CNTNAP4: variants seen among roughly 807,000 people sequenced by gnomAD.
The protein encoded by CNTNAP4 is contactin-associated protein-like 4.
In CNTNAP4, 98 loss-of-function variants were observed where a neutral mutation model predicts 148.4. The observed-to-expected ratio is 0.66, with a 90% CI of 0.56 to 0.78. CNTNAP4 has a LOEUF of 0.78. Ranked by LOEUF, CNTNAP4 falls within the 30% of genes least tolerant of loss-of-function variation. The probability of loss-of-function intolerance (pLI) is 0.00; values close to 1 mark genes in which losing one functional copy is unlikely to be tolerated. For missense variants in CNTNAP4, 1,935 were observed against 1,565.6 expected, an observed-to-expected ratio of 1.24 and a Z score of -3.98; for synonymous variants, 730 against 565.1, an observed-to-expected ratio of 1.29 and a Z score of -4.14.
chr16:76,444,810 A>T (rs954263397), intron 4 of CNTNAP4, among the ~76,000 whole-genome samples: 2 of 152,048 alleles, frequency 1.3e-5, no homozygotes, highest in African/African-American at 4.8e-5. Flanking sequence ...TATCCTTTGA[A>T]GTTTTCCTGT....
intron 4 of CNTNAP4, among the ~76,000 whole-genome samples, chr16:76,444,676 CTT>C (rs1399291478): frequency 1.3e-5 from 2 of 152,050 alleles, no homozygotes; most frequent in Non-Finnish European, 2.9e-5. Context: ...GTGCAAATAA[CTT>C]TTTATAAAAA....
At chr16:76,298,354 A>C (rs1303251611) in intron 1 of CNTNAP4, among the ~76,000 whole-genome samples, 1 of 152,200 alleles carries the variant, frequency 6.6e-6, no homozygotes, top group African/African-American at 2.4e-5. Flanking sequence ...TGGAGCAGCC[A>C]TATGAAAGGT....
intron 3 of CNTNAP4, among the ~76,000 whole-genome samples, chr16:76,404,272 A>G (rs1280255737): frequency 1.3e-5 from 2 of 152,180 alleles, no homozygotes; most frequent in Non-Finnish European, 2.9e-5. Context: ...ACTAAAGTCA[A>G]AAAAATTAAA....
At chr16:76,365,257 A>G (rs529389127) in intron 3 of CNTNAP4, among the ~76,000 whole-genome samples, 2 of 152,286 alleles carry the variant, frequency 1.3e-5, no homozygotes, top group South Asian at 2.1e-4. Context: ...TATCAGTACC[A>G]TGCTGTTTTT....
intron 15 of CNTNAP4, 67 bp from the exon 16 acceptor site, chr16:76,521,073 A>G: frequency 6.4e-6 from 9 of 1,398,828 alleles, no homozygotes; most frequent in African/African-American, 1.5e-5. Flanking sequence ...TGTAATTGTC[A>G]TTCATTTTAT....
chr16:76,441,257 A>C (rs1418139053), intron 4 of CNTNAP4, among the ~76,000 whole-genome samples: 3 of 152,160 alleles, frequency 2.0e-5, no homozygotes, highest in Non-Finnish European at 4.4e-5. Flanking sequence ...TGTGTCTTCC[A>C]CGGTATTCAC....
intron 2 of CNTNAP4, among the ~76,000 whole-genome samples, chr16:76,340,321 C>G (rs1964364805): frequency 6.6e-6 from 1 of 152,206 alleles, no homozygotes; most frequent in Non-Finnish European, 1.5e-5. Context: ...TTCCTTCATT[C>G]TCATCACCCA....
At chr16:76,495,112 A>T (rs1568398030) in intron 14 of CNTNAP4, 46 bp downstream of exon 14, 1 of 1,598,212 alleles carries the variant, frequency 6.3e-7, no homozygotes, top group Non-Finnish European at 8.6e-7. Context: ...TTCATTTAAA[A>T]AAATTAATCA....
chr16:76,453,586 ATCT>A (rs1211320954), intron 8 of CNTNAP4, among the ~76,000 whole-genome samples: 1 of 152,216 alleles, frequency 6.6e-6, no homozygotes, highest in African/African-American at 2.4e-5. Context: ...TTAATAAATA[ATCT>A]TTAAAAACAA....
intron 2 of CNTNAP4, among the ~76,000 whole-genome samples, chr16:76,346,139 A>C (rs991969351): frequency 4.1e-4 from 63 of 152,210 alleles, no homozygotes; most frequent in African/African-American, 1.5e-3. Context: ...ACAAATACTT[A>C]AGCCCAGAGG....
intron 2 of CNTNAP4, among the ~76,000 whole-genome samples, chr16:76,320,415 G>T (rs995863354): frequency 2.0e-5 from 3 of 152,202 alleles, no homozygotes; most frequent in Non-Finnish European, 4.4e-5. Flanking sequence ...GAACATTCTT[G>T]GCCTATTCAT....
chr16:76,488,358 T>G (rs1219043059), intron 12 of CNTNAP4, among the ~76,000 whole-genome samples: 1 of 152,126 alleles, frequency 6.6e-6, no homozygotes, highest in Admixed American at 6.6e-5. Flanking sequence ...AAGGGTGAAC[T>G]GAAATGCAAG....
At chr16:76,383,024 C>T (rs981954109) in intron 3 of CNTNAP4, among the ~76,000 whole-genome samples, 1 of 151,936 alleles carries the variant, frequency 6.6e-6, no homozygotes, top group Non-Finnish European at 1.5e-5. Flanking sequence ...CAAAACGTTT[C>T]TTATCCATCT....
chr16:76,304,706 C>G (rs373608791), intron 1 of CNTNAP4, among the ~76,000 whole-genome samples: 1 of 152,140 alleles, frequency 6.6e-6, no homozygotes, highest in Non-Finnish European at 1.5e-5. Flanking sequence ...TCGCCACATC[C>G]GCCTTCAAAA....
At chr16:76,441,918 T>C (rs1179710273) in intron 4 of CNTNAP4, among the ~76,000 whole-genome samples, 2 of 152,150 alleles carry the variant, frequency 1.3e-5, no homozygotes, top group Non-Finnish European at 2.9e-5. Flanking sequence ...ACTATTATTC[T>C]CATTTTACAA....
At chr16:76,447,958 T>C (rs2080311264) in intron 4 of CNTNAP4, 54 bp from the exon 5 acceptor site, 1 of 1,325,486 alleles carries the variant, frequency 7.5e-7, no homozygotes, top group Non-Finnish European at 1.1e-6. Flanking sequence ...TTTAAAATGA[T>C]TTAATGGAAA....
At chr16:76,343,100 A>ATT (rs534886341) in intron 2 of CNTNAP4, among the ~76,000 whole-genome samples, 252 of 132,468 alleles carry the variant, frequency 1.9e-3, no homozygotes, top group African/African-American at 6.3e-3. Flanking sequence ...AGCATAACCT[A>ATT]TTTTTTTTTT....
intron 23 of CNTNAP4, among the ~76,000 whole-genome samples, chr16:76,555,640 C>G (rs1417830364): frequency 6.6e-6 from 1 of 152,172 alleles, no homozygotes; most frequent in Non-Finnish European, 1.5e-5. Context: ...TATTTAATCT[C>G]TAGACTATTG....
At chr16:76,345,812 A>G (rs1461198583) in intron 2 of CNTNAP4, among the ~76,000 whole-genome samples, 1 of 152,230 alleles carries the variant, frequency 6.6e-6, no homozygotes, top group Admixed American at 6.5e-5. Context: ...ATTAAGTTTT[A>G]TAAAGTAAAT....
Sources: gnomAD v4.1 joint callset for allele counts (sites outside exome capture counted in the v4.1 genomes callset) on GRCh38, gnomAD v4.1.1 for gene constraint, MANE v1.5 for transcripts, NCBI Gene and HGNC (gene_info 2026-07-23, HGNC 2026-07-21) for gene names.